Variants in CNTNAP2 observed in about 807,000 individuals in gnomAD.
The protein encoded by CNTNAP2 is contactin associated protein 2.
A neutral mutation model predicts 155.2 loss-of-function variants in CNTNAP2; 98 were observed. The observed-to-expected ratio is 0.63, with a 90% CI of 0.54 to 0.75. The LOEUF (loss-of-function observed/expected upper bound fraction) is 0.75, where lower values mean the gene tolerates loss of function less well. Ranked by LOEUF, CNTNAP2 falls within the 30% of genes least tolerant of loss-of-function variation. The pLI, the probability that CNTNAP2 is intolerant of heterozygous loss-of-function variation, is 0.00. For synonymous variants in CNTNAP2, 651 were observed against 631.2 expected (o/e 1.03, Z -0.47); for missense variants, 1,727 against 1,688.1 (o/e 1.02, Z -0.40).
At chr7:146,563,299 A>T (rs1054379681) in intron 1 of CNTNAP2, among the ~76,000 whole-genome samples, 1 of 151,962 alleles carries the variant, frequency 6.6e-6, no homozygotes, top group Admixed American at 6.6e-5. Flanking sequence ...TTTAGATATT[A>T]ATCATCCTTT....
At chr7:146,648,851 A>C (rs1799858821) in intron 1 of CNTNAP2, among the ~76,000 whole-genome samples, 1 of 152,120 alleles carries the variant, frequency 6.6e-6, no homozygotes, top group East Asian at 1.9e-4. Context: ...AAGAATAGGA[A>C]TGACTCAAAT....
intron 11 of CNTNAP2, among the ~76,000 whole-genome samples, chr7:147,545,326 G>A (rs189445432): frequency 7.2e-5 from 11 of 152,130 alleles, no homozygotes; most frequent in African/African-American, 2.7e-4. Flanking sequence ...GCAAAAACTA[G>A]ACACAAAGTG....
chr7:146,820,463 T>C (rs182335214), intron 2 of CNTNAP2, among the ~76,000 whole-genome samples: 321 of 152,270 alleles, frequency 2.1e-3, no homozygotes, highest in Non-Finnish European at 3.9e-3. Flanking sequence ...AGTTTCCATG[T>C]AGTTGAGCGG....
chr7:147,242,987 A>ATTTTTTTTTCTTTTTTTTT (rs1803975227), intron 8 of CNTNAP2, among the ~76,000 whole-genome samples: 1 of 47,168 alleles, frequency 2.1e-5, no homozygotes, highest in Non-Finnish European at 3.6e-5. Context: ...TATGCTTTGC[A>ATTTTTTTTTCTTTTTTTTT]TTTTTTTTTT....
chr7:146,527,075 T>G (rs371637652), intron 1 of CNTNAP2, among the ~76,000 whole-genome samples: 15 of 151,996 alleles, frequency 9.9e-5, no homozygotes, highest in Admixed American at 7.9e-4. Context: ...TAATAAAAAA[T>G]CCCTCTCACA....
At chr7:147,954,209 C>G (rs930824475) in intron 14 of CNTNAP2, among the ~76,000 whole-genome samples, 9 of 152,042 alleles carry the variant, frequency 5.9e-5, no homozygotes, top group Non-Finnish European at 1.2e-4. Context: ...TTGCATCATG[C>G]AACATAACTT....
At chr7:147,665,756 A>G (rs191787864) in intron 13 of CNTNAP2, among the ~76,000 whole-genome samples, 67 of 152,322 alleles carry the variant, frequency 4.4e-4, no homozygotes, top group Non-Finnish European at 5.1e-4. Context: ...TTTGCTAAGA[A>G]TAATGGCCTC....
chr7:146,330,381 T>G (rs930943692), intron 1 of CNTNAP2, among the ~76,000 whole-genome samples: 19 of 152,158 alleles, frequency 1.2e-4, no homozygotes, highest in African/African-American at 4.6e-4. Context: ...TCTGGAAGCA[T>G]CACAAAGTTC....
chr7:147,525,530 G>A (rs1799303641), intron 11 of CNTNAP2, among the ~76,000 whole-genome samples: 1 of 152,182 alleles, frequency 6.6e-6, no homozygotes, highest in Non-Finnish European at 1.5e-5. Context: ...AAATGGTTGG[G>A]CGTGTCCAGA....
chr7:146,493,216 G>A (rs1033747693), intron 1 of CNTNAP2, among the ~76,000 whole-genome samples: 2 of 152,120 alleles, frequency 1.3e-5, no homozygotes, highest in Non-Finnish European at 2.9e-5. Flanking sequence ...TTTAGCAACA[G>A]AATAAAGCTC....
chr7:147,551,724 T>C (rs894312515), intron 11 of CNTNAP2, among the ~76,000 whole-genome samples: 1 of 152,114 alleles, frequency 6.6e-6, no homozygotes, highest in Non-Finnish European at 1.5e-5. Flanking sequence ...GCTAATATCT[T>C]GTTGCTGTTT....
intron 4 of CNTNAP2, among the ~76,000 whole-genome samples, chr7:147,061,300 A>T (rs1459072181): frequency 6.6e-6 from 1 of 152,250 alleles, no homozygotes; most frequent in Non-Finnish European, 1.5e-5. Flanking sequence ...AAATTAAAAA[A>T]ATGATTAGTC....
intron 3 of CNTNAP2, chr7:146,962,814 G>T (rs1314949204): frequency 1.3e-5 from 2 of 152,248 alleles, no homozygotes; most frequent in Non-Finnish European, 2.9e-5. Flanking sequence ...GCCTCCCAAA[G>T]TGCTGGCATT....
chr7:147,952,650 A>G (rs1800955859), intron 14 of CNTNAP2, among the ~76,000 whole-genome samples: 1 of 152,022 alleles, frequency 6.6e-6, no homozygotes, highest in Non-Finnish European at 1.5e-5. Context: ...AAAAACTTAG[A>G]CTCACAGTAA....
intron 1 of CNTNAP2, among the ~76,000 whole-genome samples, chr7:146,412,783 C>A (rs921744518): frequency 1.3e-5 from 2 of 152,156 alleles, no homozygotes; most frequent in East Asian, 1.9e-4. Flanking sequence ...AGAAAGCTGG[C>A]AAATTTTCTG....
intron 15 of CNTNAP2, among the ~76,000 whole-genome samples, chr7:148,053,555 C>G (rs1018437444): frequency 1.3e-5 from 2 of 152,138 alleles, no homozygotes; most frequent in South Asian, 2.1e-4. Flanking sequence ...TGAAAACTTA[C>G]GCTCATTATC....
chr7:146,380,784 C>CTTTTTTTTTTTTTTT (rs56886106), intron 1 of CNTNAP2, among the ~76,000 whole-genome samples: 1 of 38,810 alleles, frequency 2.6e-5, no homozygotes, highest in African/African-American at 7.8e-5. Flanking sequence ...TATGCACGTT[C>CTTTTTTTTTTTTTTT]TTTTTTTTTT....
chr7:146,678,561 TCC>T (rs148515792), intron 1 of CNTNAP2, among the ~76,000 whole-genome samples: 2,937 of 152,256 alleles, frequency 0.019, 69 homozygotes, highest in East Asian at 0.11. Flanking sequence ...AAGGAATAAT[TCC>T]ACAGTACTCA....
intron 1 of CNTNAP2, among the ~76,000 whole-genome samples, chr7:146,185,841 G>C (rs1798616022): frequency 6.8e-6 from 1 of 147,774 alleles, no homozygotes; most frequent in African/African-American, 2.5e-5. Flanking sequence ...AACCATGCAT[G>C]GGTATTTGGT....
Sources: gnomAD v4.1 joint callset for allele counts (sites outside exome capture counted in the v4.1 genomes callset) on GRCh38, gnomAD v4.1.1 for gene constraint, MANE v1.5 for transcripts, NCBI Gene and HGNC (gene_info 2026-07-23, HGNC 2026-07-21) for gene names.